SLC44A3: variants seen among roughly 807,000 people sequenced by gnomAD.
SLC44A3 encodes solute carrier family 44 member 3, also known as choline transporter-like protein 3.
A neutral mutation model predicts 75.4 loss-of-function variants in SLC44A3; 74 were observed. That is an observed-to-expected ratio of 0.98 (90% CI 0.81 to 1.19). The LOEUF is 1.19. Ranked by LOEUF, SLC44A3 falls within the 50% of genes most tolerant of loss-of-function variation. The pLI is 0.00. For missense variants in SLC44A3, 700 were observed against 778.6 expected, an observed-to-expected ratio of 0.90 and a Z score of 1.20; for synonymous variants, 310 against 296.9, an observed-to-expected ratio of 1.04 and a Z score of -0.45.
intron 3 of SLC44A3, among the ~76,000 whole-genome samples, chr1:94,826,580 G>A (rs1258271540): frequency 1.3e-5 from 2 of 150,942 alleles, no homozygotes; most frequent in African/African-American, 4.9e-5. Flanking sequence ...GAACCTGGGA[G>A]GCAGAGGTGG....
At chr1:94,873,778 C>T (rs888670173) in intron 12 of SLC44A3, among the ~76,000 whole-genome samples, 21 of 152,328 alleles carry the variant, frequency 1.4e-4, no homozygotes, top group African/African-American at 5.1e-4. Flanking sequence ...CTCCTTTCTG[C>T]TCTCCCAGAG....
At chr1:94,859,977 A>G (rs551104986) in intron 10 of SLC44A3, among the ~76,000 whole-genome samples, 1 of 152,234 alleles carries the variant, frequency 6.6e-6, no homozygotes, top group Non-Finnish European at 1.5e-5. Flanking sequence ...CTCATCAGAC[A>G]ACAAGCAACA....
At chr1:94,831,734 A>C (rs1662160396) in intron 5 of SLC44A3, among the ~76,000 whole-genome samples, 1 of 152,236 alleles carries the variant, frequency 6.6e-6, no homozygotes, top group Non-Finnish European at 1.5e-5. Context: ...ATGTCACTGC[A>C]TGGTTTGCTC....
intron 9 of SLC44A3, among the ~76,000 whole-genome samples, chr1:94,857,096 A>G (rs1665969840): frequency 6.6e-6 from 1 of 152,204 alleles, no homozygotes; most frequent in African/African-American, 2.4e-5. Flanking sequence ...AGCATATGTC[A>G]GGTGTCTTGG....
At chr1:94,881,480 G>A (rs976415833) in intron 12 of SLC44A3, among the ~76,000 whole-genome samples, 4 of 152,062 alleles carry the variant, frequency 2.6e-5, no homozygotes, top group Non-Finnish European at 5.9e-5. Flanking sequence ...TGAGGCGGGC[G>A]GATCACAAGG....
chr1:94,820,607 T>G (rs1201072113), intron 1 of SLC44A3, 129 bp downstream of exon 1: 2 of 1,375,716 alleles, frequency 1.5e-6, no homozygotes, highest in Middle Eastern at 4.6e-4. Context: ...CCCCGCTTAG[T>G]ACCTTGGGGC....
At chr1:94,883,129 G>A (rs992673720) in intron 12 of SLC44A3, among the ~76,000 whole-genome samples, 2 of 151,622 alleles carry the variant, frequency 1.3e-5, no homozygotes, top group Non-Finnish European at 2.9e-5. Flanking sequence ...GGCCTTCCAG[G>A]ATGGTGTGAA....
chr1:94,886,703 G>A (rs1259448921), intron 12 of SLC44A3, among the ~76,000 whole-genome samples: 1 of 152,094 alleles, frequency 6.6e-6, no homozygotes, highest in Non-Finnish European at 1.5e-5. Context: ...CAGCCACACA[G>A]GGCGTCCTCA....
intron 12 of SLC44A3, among the ~76,000 whole-genome samples, chr1:94,881,195 C>G (rs1472874614): frequency 6.6e-6 from 1 of 152,208 alleles, no homozygotes; most frequent in Admixed American, 6.5e-5. Flanking sequence ...TGTCTGTCAC[C>G]AGGCCTTCAC....
At chr1:94,827,469 A>G in intron 3 of SLC44A3, 38 bp from the exon 4 acceptor site, 2 of 1,611,642 alleles carry the variant, frequency 1.2e-6, no homozygotes, top group African/African-American at 1.3e-5. Flanking sequence ...GTGAGAAGCA[A>G]TGCTCTAACA....
intron 12 of SLC44A3, among the ~76,000 whole-genome samples, chr1:94,873,486 C>G (rs1667974706): frequency 6.6e-6 from 1 of 152,140 alleles, no homozygotes; most frequent in African/African-American, 2.4e-5. Context: ...AAATATACAC[C>G]TCTCTCCCCT....
rs759754584 is a variant in SLC44A3 at position 94,882,168 on chromosome 1, A to G, written c.1483-8962A>G. Among the ~76,000 whole-genome samples, 64 of 152,342 alleles carry G rather than the reference A, an allele frequency of 4.2e-4. 1 individual carries two copies. Among genetic ancestry groups the G allele is most frequent in the Non-Finnish European group, 2.4e-4 (16 of 68,022 alleles). On this transcript the variant is annotated intron_variant, in intron 12 of 14. Coordinates refer to ENST00000271227, the MANE Select transcript of SLC44A3 (RefSeq NM_001114106.3). The stretch of plus-strand genomic sequence containing the variant: ...TTCTCTAGGACTCTGCGTATTAGGT[A>G]GGTATTATCCCCATTGTACAAATGA...
chr1:94,854,667 G>T (rs574725512), intron 9 of SLC44A3, among the ~76,000 whole-genome samples: 3 of 152,272 alleles, frequency 2.0e-5, no homozygotes, highest in Admixed American at 2.0e-4. Flanking sequence ...CCCGGCTTTC[G>T]CCCTGAAGCC....
chr1:94,856,791 C>T (rs942271634), intron 9 of SLC44A3, among the ~76,000 whole-genome samples: 1 of 151,946 alleles, frequency 6.6e-6, no homozygotes, highest in Non-Finnish European at 1.5e-5. Context: ...AGTGCAGTGG[C>T]GTGATCTCGG....
chr1:94,834,089 C>T (rs918789352), intron 5 of SLC44A3, among the ~76,000 whole-genome samples: 1 of 152,114 alleles, frequency 6.6e-6, no homozygotes, highest in Non-Finnish European at 1.5e-5. Flanking sequence ...CTAAACAATA[C>T]AGTATAATGG....
intron 9 of SLC44A3, among the ~76,000 whole-genome samples, chr1:94,853,179 G>A (rs969682126): frequency 1.3e-5 from 2 of 152,176 alleles, no homozygotes; most frequent in East Asian, 1.9e-4. Flanking sequence ...CCAGTGGGTC[G>A]AAGGAGAAGG....
intron 12 of SLC44A3, among the ~76,000 whole-genome samples, chr1:94,890,622 ATTAGATCCCG>A (rs1277832909): frequency 6.6e-6 from 1 of 152,228 alleles, no homozygotes; most frequent in Admixed American, 6.5e-5. Context: ...CTCACAAACC[ATTAGATCCCG>A]CTTGCTTTCT....
intron 5 of SLC44A3, among the ~76,000 whole-genome samples, chr1:94,832,155 C>G (rs932319161): frequency 1.3e-5 from 2 of 151,498 alleles, no homozygotes; most frequent in Non-Finnish European, 2.9e-5. Context: ...GTGACAAGAG[C>G]AAGACTCCAT....
At chr1:94,841,518 C>T (rs923142445) in intron 7 of SLC44A3, among the ~76,000 whole-genome samples, 5 of 152,170 alleles carry the variant, frequency 3.3e-5, no homozygotes, top group Non-Finnish European at 7.3e-5. Flanking sequence ...AATGTCAGGG[C>T]ATCTTCCAAA....
Sources: allele counts gnomAD v4.1 joint callset (sites outside exome capture counted in the v4.1 genomes callset), GRCh38; gene constraint gnomAD v4.1.1; transcripts MANE v1.5; gene names NCBI Gene and HGNC (gene_info 2026-07-23, HGNC 2026-07-21).